PHACTR1: variants seen among roughly 807,000 people sequenced by gnomAD.
The protein encoded by PHACTR1 is RPEL repeat containing 1.
In PHACTR1, 16 loss-of-function variants were observed where a neutral mutation model predicts 69.2. The observed-to-expected ratio is 0.23, with a 90% confidence interval of 0.16 to 0.35. The LOEUF (loss-of-function observed/expected upper bound fraction) is 0.35, where lower values mean the gene tolerates loss of function less well. Ranked by LOEUF, PHACTR1 falls within the 10% of genes least tolerant of loss-of-function variation. PHACTR1 has a pLI of 1.00. For synonymous variants in PHACTR1, 312 were observed against 284.5 expected (o/e 1.10, Z -0.97); for missense variants, 510 against 734.7 (o/e 0.69, Z 3.54).
chr6:13,000,660 GGGAAGGAAGGAAGGAAGGAA>G (rs147732283), intron 4 of PHACTR1, among the ~76,000 whole-genome samples: 3 of 128,284 alleles, frequency 2.3e-5, no homozygotes, highest in Non-Finnish European at 4.7e-5. Flanking sequence ...AGGGAGGAAG[GGGAAGGAAGGAAGGAAGGAA>G]GGAAGGAAGG....
chr6:12,882,462 G>T (rs1008941492), intron 4 of PHACTR1, among the ~76,000 whole-genome samples: 1 of 151,906 alleles, frequency 6.6e-6, no homozygotes, highest in African/African-American at 2.4e-5. Context: ...CCTATGAAAA[G>T]AAATATAAAA....
At chr6:13,061,915 T>A (rs1383150113) in intron 5 of PHACTR1, among the ~76,000 whole-genome samples, 1 of 152,208 alleles carries the variant, frequency 6.6e-6, no homozygotes, top group Non-Finnish European at 1.5e-5. Flanking sequence ...TGCTTTTGAA[T>A]GTTTCGCTCC....
chr6:12,886,544 A>G (rs947674508), intron 4 of PHACTR1, among the ~76,000 whole-genome samples: 1 of 152,204 alleles, frequency 6.6e-6, no homozygotes, highest in African/African-American at 2.4e-5. Flanking sequence ...GAGAGATTAG[A>G]TAAGTTCCCC....
At chr6:12,843,901 A>G (rs1778942244) in intron 4 of PHACTR1, among the ~76,000 whole-genome samples, 1 of 152,206 alleles carries the variant, frequency 6.6e-6, no homozygotes, top group Non-Finnish European at 1.5e-5. Context: ...GTTTCTTTGC[A>G]TCGATGGAGT....
intron 4 of PHACTR1, among the ~76,000 whole-genome samples, chr6:12,944,153 A>G (rs1306238305): frequency 6.6e-6 from 1 of 152,218 alleles, no homozygotes; most frequent in Non-Finnish European, 1.5e-5. Context: ...GACAGCAGCC[A>G]TGGAAGGAAA....
chr6:12,892,563 A>G (rs553219789), intron 4 of PHACTR1, among the ~76,000 whole-genome samples: 1 of 152,234 alleles, frequency 6.6e-6, no homozygotes, highest in Non-Finnish European at 1.5e-5. Context: ...ATATGGTCTT[A>G]TCTAAATGTT....
chr6:12,972,623 C>T (rs1253571710), intron 4 of PHACTR1, among the ~76,000 whole-genome samples: 1 of 146,974 alleles, frequency 6.8e-6, no homozygotes, highest in Non-Finnish European at 1.5e-5. Flanking sequence ...TGGTGTCACT[C>T]TAACTCCTTT....
chr6:13,273,006 T>C, intron 11 of PHACTR1, 91 bp downstream of exon 11: 2 of 1,542,622 alleles, frequency 1.3e-6, no homozygotes, highest in East Asian at 4.5e-5. Context: ...ACCTTGCGCC[T>C]CTGCGGAAAG....
chr6:13,194,428 A>AAAG (rs1554152771), intron 7 of PHACTR1, among the ~76,000 whole-genome samples: 11,316 of 147,672 alleles, frequency 0.077, 1,284 homozygotes, highest in East Asian at 0.58. Context: ...GAAAGAAAGG[A>AAAG]AAAAGAAAAG....
chr6:13,127,930 G>A lies in PHACTR1; in HGVS notation c.416-32274G>A, dbSNP rs534359272. ...AAGTTTGATTGACTCAGTTCTGCAT[G>A]GCTAGGGAGGCCTCAGCAAACTTAC... is the stretch of plus-strand genomic sequence containing the variant. On this transcript the variant is annotated intron_variant, in intron 5 of 14. Coordinates refer to ENST00000332995, the MANE Select transcript of PHACTR1 (RefSeq NM_030948.6). Among the ~76,000 whole-genome samples the A allele has an allele frequency of 1.4e-3, 209 of 152,074 alleles. 3 individuals are homozygous for A. In the South Asian group the frequency reaches 0.016, roughly 12 times the overall value.
intron 4 of PHACTR1, among the ~76,000 whole-genome samples, chr6:12,806,880 T>C (rs938993729): frequency 2.0e-5 from 3 of 152,212 alleles, no homozygotes; most frequent in African/African-American, 4.8e-5. Flanking sequence ...ATTTTCAGAA[T>C]TGTGAATTTG....
chr6:13,278,554 C>A (rs991903374), intron 12 of PHACTR1, among the ~76,000 whole-genome samples: 1 of 152,266 alleles, frequency 6.6e-6, no homozygotes, highest in Non-Finnish European at 1.5e-5. Context: ...CACCCACCTA[C>A]TTCCTAACAA....
chr6:12,844,602 G>T (rs781683808), intron 4 of PHACTR1, among the ~76,000 whole-genome samples: 11 of 152,116 alleles, frequency 7.2e-5, no homozygotes, highest in South Asian at 2.1e-4. Context: ...ATTTTGGTAG[G>T]CAAGTGTTCA....
At chr6:12,742,028 G>C (rs1197049665) in intron 3 of PHACTR1, among the ~76,000 whole-genome samples, 1 of 151,930 alleles carries the variant, frequency 6.6e-6, no homozygotes, top group Non-Finnish European at 1.5e-5. Context: ...ATTATAAATG[G>C]TACTTTAAAT....
intron 4 of PHACTR1, among the ~76,000 whole-genome samples, chr6:12,892,410 A>T (rs1347905644): frequency 6.6e-6 from 1 of 152,178 alleles, no homozygotes; most frequent in Non-Finnish European, 1.5e-5. Context: ...CCTGGATTTA[A>T]TTAATACAGA....
intron 4 of PHACTR1, among the ~76,000 whole-genome samples, chr6:12,938,150 A>G (rs140039213): frequency 2.0e-5 from 3 of 152,302 alleles, no homozygotes; most frequent in East Asian, 1.9e-4. Context: ...AAATAATAAT[A>G]TAAGTTAACT....
chr6:12,959,190 A>AAAG (rs1554181490), intron 4 of PHACTR1, among the ~76,000 whole-genome samples: 5 of 108,862 alleles, frequency 4.6e-5, no homozygotes, highest in Middle Eastern at 5.1e-3. Flanking sequence ...AAAAAAAAAA[A>AAAG]AAAAAGAAAA....
At chr6:12,941,864 T>C (rs1056122000) in intron 4 of PHACTR1, among the ~76,000 whole-genome samples, 1 of 152,230 alleles carries the variant, frequency 6.6e-6, no homozygotes, top group Non-Finnish European at 1.5e-5. Context: ...AAGGTCATTA[T>C]ATGGGGCTTG....
chr6:13,044,102 TA>T (rs1804636990), intron 4 of PHACTR1, among the ~76,000 whole-genome samples: 2 of 152,120 alleles, frequency 1.3e-5, no homozygotes, highest in Non-Finnish European at 1.5e-5. Context: ...TAAATTTAAA[TA>T]TTTAAAATTT....
Sources: allele counts gnomAD v4.1 joint callset (sites outside exome capture counted in the v4.1 genomes callset), GRCh38; gene constraint gnomAD v4.1.1; transcripts MANE v1.5; gene names NCBI Gene and HGNC (gene_info 2026-07-23, HGNC 2026-07-21).